C7orf78: variants seen among roughly 807,000 people sequenced by gnomAD.
The protein encoded by C7orf78 is chromosome 7 open reading frame 78, also known as putative uncharacterized protein C7orf78.
the C7orf78 span, chr7:12,529,145 T>C: frequency 2.5e-6 from 1 of 396,720 alleles, no homozygotes; most frequent in Non-Finnish European, 4.4e-6. Flanking sequence ...GTGTAAAATA[T>C]ATTTCTGTCT....
At chr7:12,487,277 A>G in the C7orf78 span, among the ~76,000 whole-genome samples, 3 of 152,092 alleles carry the variant, frequency 2.0e-5, no homozygotes, top group Non-Finnish European at 4.4e-5. Flanking sequence ...ACTTGGGAAG[A>G]GAAGTCAGGG....
the C7orf78 span, among the ~76,000 whole-genome samples, chr7:12,511,589 G>A: frequency 2.4e-4 from 36 of 152,072 alleles, no homozygotes; most frequent in East Asian, 6.2e-3. Flanking sequence ...CTTTCACCTC[G>A]TTAGCTCAAT....
At chr7:12,529,320 A>T in the C7orf78 span, among the ~76,000 whole-genome samples, 1 of 152,218 alleles carries the variant, frequency 6.6e-6, no homozygotes, top group Non-Finnish European at 1.5e-5. Context: ...TTCTGAGATC[A>T]GAGTATCCCT....
At chr7:12,498,282 C>T in the C7orf78 span, among the ~76,000 whole-genome samples, 37 of 152,090 alleles carry the variant, frequency 2.4e-4, no homozygotes, top group African/African-American at 6.5e-4. Flanking sequence ...GATCAAATTA[C>T]TCTGAGCTAC....
the C7orf78 span, among the ~76,000 whole-genome samples, chr7:12,488,913 G>GTT: frequency 0.12 from 16,990 of 143,088 alleles, 1,332 homozygotes; most frequent in African/African-American, 0.23. Context: ...GGTTTGATTG[G>GTT]TTTTTTTTTT....
chr7:12,525,456 A>C, the C7orf78 span, among the ~76,000 whole-genome samples: 1 of 152,140 alleles, frequency 6.6e-6, no homozygotes, highest in South Asian at 2.1e-4. Flanking sequence ...AATTACAATC[A>C]AGTTTAAGAT....
the C7orf78 span, among the ~76,000 whole-genome samples, chr7:12,514,718 A>T: frequency 6.6e-6 from 1 of 151,998 alleles, no homozygotes; most frequent in African/African-American, 2.4e-5. Context: ...TTGCTTTACC[A>T]GTGATTTTAC....
At chr7:12,520,438 C>G in the C7orf78 span, among the ~76,000 whole-genome samples, 10 of 152,226 alleles carry the variant, frequency 6.6e-5, no homozygotes, top group African/African-American at 2.4e-4. Flanking sequence ...TGTTGTATTT[C>G]CATTTTCATT....
At chr7:12,495,392 C>T in the C7orf78 span, among the ~76,000 whole-genome samples, 4 of 152,162 alleles carry the variant, frequency 2.6e-5, no homozygotes, top group Non-Finnish European at 5.9e-5. Flanking sequence ...CAAAGGGTGC[C>T]AGCTCATTTC....
At chr7:12,529,022 C>T in the C7orf78 span, 2 of 398,388 alleles carry the variant, frequency 5.0e-6, no homozygotes, top group Admixed American at 4.4e-5. Context: ...GCCCCATGGC[C>T]TGTTAGATCT....
the C7orf78 span, chr7:12,506,866 T>C: frequency 1.7e-5 from 8 of 458,528 alleles, no homozygotes; most frequent in African/African-American, 1.6e-4. Context: ...CGTAGAAAAG[T>C]CTACAGTGTT....
the C7orf78 span, among the ~76,000 whole-genome samples, chr7:12,501,505 C>T: frequency 1.4e-4 from 21 of 150,958 alleles, no homozygotes; most frequent in Non-Finnish European, 2.7e-4. Flanking sequence ...AATAAAATAC[C>T]TAGGAATCCA....
At chr7:12,515,576 C>G in the C7orf78 span, among the ~76,000 whole-genome samples, 10 of 151,814 alleles carry the variant, frequency 6.6e-5, no homozygotes, top group African/African-American at 2.4e-4. Flanking sequence ...GAGGCTGGAA[C>G]GGTTTGGAGG....
the C7orf78 span, among the ~76,000 whole-genome samples, chr7:12,495,163 A>G: frequency 6.6e-6 from 1 of 152,196 alleles, no homozygotes; most frequent in African/African-American, 2.4e-5. Flanking sequence ...TCCGGGGGAT[A>G]TTAAAAGGAT....
chr7:12,539,305 A>G, the C7orf78 span, among the ~76,000 whole-genome samples: 1 of 152,104 alleles, frequency 6.6e-6, no homozygotes, highest in Non-Finnish European at 1.5e-5. Flanking sequence ...TCTACTAAAA[A>G]TACAAAAAAT....
the C7orf78 span, among the ~76,000 whole-genome samples, chr7:12,490,545 C>A: frequency 6.6e-5 from 10 of 151,938 alleles, no homozygotes; most frequent in South Asian, 1.9e-3. Flanking sequence ...AAGGAAATTG[C>A]CTTTAGTAGG....
At chr7:12,495,287 G>C in the C7orf78 span, among the ~76,000 whole-genome samples, 1 of 152,164 alleles carries the variant, frequency 6.6e-6, no homozygotes, top group African/African-American at 2.4e-5. Flanking sequence ...TGGCCACAAA[G>C]TGGCTGTTTT....
the C7orf78 span, among the ~76,000 whole-genome samples, chr7:12,525,050 T>C: frequency 2.6e-5 from 4 of 151,330 alleles, no homozygotes; most frequent in Admixed American, 6.6e-5. Context: ...TGGTCTCATG[T>C]TGTATTCAAT....
the C7orf78 span, among the ~76,000 whole-genome samples, chr7:12,531,366 A>T: frequency 6.6e-6 from 1 of 152,106 alleles, no homozygotes; most frequent in Non-Finnish European, 1.5e-5. Flanking sequence ...TCACATGTCA[A>T]TGTCATCTCT....
Sources: gnomAD v4.1 joint callset for allele counts (sites outside exome capture counted in the v4.1 genomes callset) on GRCh38, gnomAD v4.1.1 for gene constraint, MANE v1.5 for transcripts, NCBI Gene and HGNC (gene_info 2026-07-23, HGNC 2026-07-21) for gene names.